Variants in RLF observed in about 807,000 individuals in gnomAD.
The protein encoded by RLF is zinc finger protein Rlf.
A neutral mutation model predicts 162.9 loss-of-function variants in RLF; 7 were observed. The observed-to-expected ratio is 0.04, with a 90% CI of 0.02 to 0.08. The LOEUF is 0.08. Among genes scored for constraint, RLF ranks in the 10% least tolerant of loss-of-function variants. The probability of loss-of-function intolerance (pLI) is 1.00; values close to 1 mark genes in which losing one functional copy is unlikely to be tolerated. For synonymous variants in RLF, 782 were observed against 791.5 expected, an observed-to-expected ratio of 0.99 and a Z score of 0.20; for missense variants, 1,664 against 2,244.7, an observed-to-expected ratio of 0.74 and a Z score of 5.23.
At chr1:40,223,042 T>C (rs981499217) in intron 6 of RLF, among the ~76,000 whole-genome samples, 2 of 152,180 alleles carry the variant, frequency 1.3e-5, no homozygotes. Context: ...GGGTAGTCAC[T>C]CCCCATTCTT....
intron 1 of RLF, among the ~76,000 whole-genome samples, chr1:40,183,796 A>G (rs61780442): frequency 0.076 from 11,609 of 152,122 alleles, 605 homozygotes; most frequent in South Asian, 0.15. Context: ...CATTTTTGAA[A>G]TGGGCTGATA....
intron 6 of RLF, 50 bp from the exon 7 acceptor site, chr1:40,231,467 G>C (rs777590540): frequency 3.2e-6 from 5 of 1,570,586 alleles, no homozygotes; most frequent in Admixed American, 3.7e-5. Flanking sequence ...GGGCAGGGCA[G>C]CAAATACCAG....
At chr1:40,188,606 T>C (rs546434912) in intron 1 of RLF, among the ~76,000 whole-genome samples, 114 of 143,064 alleles carry the variant, frequency 8.0e-4, no homozygotes, top group Non-Finnish European at 1.4e-3. Context: ...CCTAATCAAT[T>C]CCATGTGTCC....
intron 5 of RLF, among the ~76,000 whole-genome samples, chr1:40,220,592 A>G (rs187772874): frequency 1.3e-5 from 2 of 152,326 alleles, no homozygotes; most frequent in Admixed American, 1.3e-4. Flanking sequence ...CCTTACTAAC[A>G]ACCCTGACTA....
intron 5 of RLF, among the ~76,000 whole-genome samples, chr1:40,206,328 T>A (rs1269363302): frequency 6.6e-6 from 1 of 152,204 alleles, no homozygotes; most frequent in Non-Finnish European, 1.5e-5. Flanking sequence ...GCTTCAAGGT[T>A]ACAAAGCTAA....
chr1:40,177,260 A>G (rs921015609), intron 1 of RLF, among the ~76,000 whole-genome samples: 1 of 151,702 alleles, frequency 6.6e-6, no homozygotes, highest in Non-Finnish European at 1.5e-5. Context: ...ATGAGCCACC[A>G]CAACCGGCCT....
intron 4 of RLF, among the ~76,000 whole-genome samples, chr1:40,198,081 G>GCAA (rs1248603573): frequency 6.6e-6 from 1 of 151,952 alleles, no homozygotes; most frequent in African/African-American, 2.4e-5. Flanking sequence ...TCAGCTCACT[G>GCAA]CAACCTCTGC....
At chr1:40,174,111 G>T (rs768356417) in intron 1 of RLF, among the ~76,000 whole-genome samples, 1 of 152,146 alleles carries the variant, frequency 6.6e-6, no homozygotes, top group Non-Finnish European at 1.5e-5. Flanking sequence ...GATGGCTCAC[G>T]CCTGTAATCC....
chr1:40,191,932 CA>C (rs762108428), intron 3 of RLF, among the ~76,000 whole-genome samples: 4 of 152,204 alleles, frequency 2.6e-5, no homozygotes, highest in Non-Finnish European at 4.4e-5. Flanking sequence ...ACACAGATTT[CA>C]AACCCTGAGC....
chr1:40,209,752 C>T (rs1642843221), intron 5 of RLF, among the ~76,000 whole-genome samples: 1 of 152,018 alleles, frequency 6.6e-6, no homozygotes, highest in Non-Finnish European at 1.5e-5. Context: ...TGGTGTGCGC[C>T]TGTAATCCCA....
At chr1:40,188,576 C>T (rs1642516030) in intron 1 of RLF, among the ~76,000 whole-genome samples, 1 of 149,986 alleles carries the variant, frequency 6.7e-6, no homozygotes, top group South Asian at 2.1e-4. Context: ...AATTAGTTAG[C>T]ATAAATTAAC....
intron 5 of RLF, among the ~76,000 whole-genome samples, chr1:40,211,847 C>G (rs1570548048): frequency 6.6e-6 from 1 of 152,142 alleles, no homozygotes; most frequent in African/African-American, 2.4e-5. Context: ...CAGCTGGTCT[C>G]AAACTCCTGA....
At chr1:40,209,961 A>G (rs1461863135) in intron 5 of RLF, among the ~76,000 whole-genome samples, 8 of 152,104 alleles carry the variant, frequency 5.3e-5, no homozygotes, top group African/African-American at 7.2e-5. Context: ...AGGTAGTGTA[A>G]GGAGATAGAT....
In RLF at chr1:40,208,865, AGAT is replaced by A. The variant is rs759175933; in HGVS notation, c.810+6255_810+6257del. Reference sequence around the variant, plus strand: ...TATAGAAATTAACTGAGGCTCTGAGAGATGATATTACTGGCGCATAGTAGTAAG... The same window carrying A: ...TATAGAAATTAACTGAGGCTCTGAGAGATATTACTGGCGCATAGTAGTAAG... On this transcript the variant is annotated intron_variant, in intron 5 of 7. Coordinates refer to ENST00000372771, the MANE Select transcript of RLF (RefSeq NM_012421.4). 8.5e-5 allele frequency among the ~76,000 whole-genome samples: 13 copies of A among 152,314 alleles called. 1 individual carries two copies. Among genetic ancestry groups the A allele is most frequent in the East Asian group, 3.9e-4 (2 of 5,188 alleles).
intron 1 of RLF, among the ~76,000 whole-genome samples, chr1:40,174,910 A>G (rs1239895178): frequency 1.3e-5 from 2 of 152,114 alleles, no homozygotes; most frequent in Non-Finnish European, 2.9e-5. Flanking sequence ...GAAAATGTTA[A>G]ATCAAAGGGC....
rs1244346440 is a variant in RLF at position 40,237,410 on chromosome 1, G to A, written c.2708G>A (p.Ser903Asn). The change falls in exon 8 of 8, where the codon AGC (serine) becomes AAC (asparagine). Residue 903 changes from serine (S) to asparagine (N), a missense_variant. Ser to Asn is a conservative substitution (Grantham distance 46). Around this residue, in one of 15 missense-constraint regions of RLF, gnomAD observed 295 missense variants for 317.4 expected, o/e 0.93. Coordinates refer to ENST00000372771, the MANE Select transcript of RLF (RefSeq NM_012421.4). The surrounding 1 kb of genome is among the most constrained non-coding windows in gnomAD (Gnocchi z 4.4). Reference protein sequence around the residue: ...DSNSSDQLSHSSSASMNEELI... With the variant: ...DSNSSDQLSHNSSASMNEELI... Reference sequence around the variant, plus strand: ...AATTCTAGTGATCAGTTAAGTCATAGCTCTTCAGCTTCAATGAATGAAGAG... The same window carrying A: ...AATTCTAGTGATCAGTTAAGTCATAACTCTTCAGCTTCAATGAATGAAGAG... 6.2e-7 allele frequency: 1 copy of A among 1,614,030 alleles called. No homozygotes were observed. The highest frequency in any genetic ancestry group is 8.5e-7 in the Non-Finnish European group (1 of 1,179,992).
chr1:40,189,668 G>A (rs377597896), intron 2 of RLF, among the ~76,000 whole-genome samples: 4 of 152,058 alleles, frequency 2.6e-5, no homozygotes, highest in Admixed American at 1.3e-4. Context: ...GCATGGTGGC[G>A]CACGCCTGTA....
rs1642545427 is a variant in RLF at position 40,190,754 on chromosome 1, TA to T, written c.393-17del. On this transcript the variant is annotated splice_polypyrimidine_tract_variant and intron_variant, in intron 2 of 7. Transcript: ENST00000372771. The stretch of plus-strand genomic sequence containing the variant: ...ATTACTATAACCACCTTTATATACT[TA>T]CTCATTTTTATTGTAGGAGTTGTTT... 6 of 1,527,862 alleles carry T rather than the reference TA, an allele frequency of 3.9e-6. No homozygotes were observed. Among genetic ancestry groups the T allele is most frequent in the African/African-American group, 1.4e-5 (1 of 73,356 alleles). The allele number at this position is 1,527,862 out of a possible 1,614,324, so 94.6% of individuals were successfully genotyped here. A position where few individuals can be genotyped will look rare whatever the true frequency, so the allele number is the denominator to read the frequency against.
At chr1:40,200,346 G>A (rs376836308) in intron 4 of RLF, among the ~76,000 whole-genome samples, 1 of 152,130 alleles carries the variant, frequency 6.6e-6, no homozygotes, top group African/African-American at 2.4e-5. Flanking sequence ...TAGCAATTCC[G>A]CATCTAGGAA....
Sources: gnomAD v4.1 joint callset for allele counts (sites outside exome capture counted in the v4.1 genomes callset) on GRCh38, gnomAD v4.1.1 for gene constraint, gnomAD v4.1.1 regional missense constraint, Gnocchi (gnomAD v3.1) non-coding constraint, MANE v1.5 for transcripts, NCBI Gene and HGNC (gene_info 2026-07-23, HGNC 2026-07-21) for gene names.